PCDH15: variants seen among roughly 807,000 people sequenced by gnomAD.
The protein encoded by PCDH15 is protocadherin-15.
In PCDH15, 129 loss-of-function variants were observed where a neutral mutation model predicts 178.5. The observed-to-expected ratio is 0.72, with a 90% CI of 0.63 to 0.84. The LOEUF is 0.84. PCDH15 is among the 40% of genes least tolerant of loss of function. The pLI, the probability that PCDH15 is intolerant of heterozygous loss-of-function variation, is 0.00. For missense variants in PCDH15, 2,230 were observed against 2,099.9 expected, an observed-to-expected ratio of 1.06 and a Z score of -1.21; for synonymous variants, 800 against 732.0, an observed-to-expected ratio of 1.09 and a Z score of -1.50.
intron 3 of PCDH15, among the ~76,000 whole-genome samples, chr10:54,830,787 A>G (rs1953212205): frequency 6.6e-6 from 1 of 152,008 alleles, no homozygotes; most frequent in Admixed American, 6.6e-5. Flanking sequence ...AAAAAGAAGA[A>G]AAAATGTTAA....
intron 3 of PCDH15, among the ~76,000 whole-genome samples, chr10:54,435,055 T>TCTAA (rs4007219): frequency 0.48 from 72,061 of 151,612 alleles, 17,871 homozygotes; most frequent in Middle Eastern, 0.52. Flanking sequence ...TTTAAACTTA[T>TCTAA]CTTACTTCCT....
intron 1 of PCDH15, among the ~76,000 whole-genome samples, chr10:54,791,948 C>T (rs1951456153): frequency 1.3e-5 from 2 of 151,866 alleles, no homozygotes; most frequent in Admixed American, 1.3e-4. Context: ...TAAGAAGCCC[C>T]TCTTGTTACA....
chr10:53,995,515 AG>A (rs2091787865), intron 21 of PCDH15, 133 bp downstream of exon 21: 5 of 1,515,110 alleles, frequency 3.3e-6, no homozygotes, highest in Non-Finnish European at 4.5e-6. Flanking sequence ...AATAAGTAAA[AG>A]AACATAAAAT....
intron 2 of PCDH15, among the ~76,000 whole-genome samples, chr10:55,346,971 T>C (rs866422864): frequency 2.0e-5 from 3 of 151,846 alleles, no homozygotes; most frequent in Non-Finnish European, 2.9e-5. Context: ...TCCCAGCACT[T>C]TGGGGGGCTG....
intron 2 of PCDH15, among the ~76,000 whole-genome samples, chr10:54,644,357 A>G (rs377707945): frequency 1.3e-4 from 19 of 150,722 alleles, no homozygotes; most frequent in East Asian, 1.0e-3. Context: ...TTCAAAGCTT[A>G]CTGAATATGC....
At chr10:54,232,190 T>C (rs947660967) in intron 9 of PCDH15, among the ~76,000 whole-genome samples, 1 of 152,120 alleles carries the variant, frequency 6.6e-6, no homozygotes, top group African/African-American at 2.4e-5. Flanking sequence ...ATTTCCCCCT[T>C]GCTGTTCTGG....
At chr10:54,166,052 C>T (rs1458326810) in intron 13 of PCDH15, among the ~76,000 whole-genome samples, 1 of 152,152 alleles carries the variant, frequency 6.6e-6, no homozygotes, top group African/African-American at 2.4e-5. Flanking sequence ...AAAAGAAAAG[C>T]AAATCTTTGA....
At chr10:54,083,359 A>C (rs2094465082) in intron 16 of PCDH15, among the ~76,000 whole-genome samples, 1 of 152,218 alleles carries the variant, frequency 6.6e-6, no homozygotes, top group African/African-American at 2.4e-5. Context: ...TAATACCGAA[A>C]GGTAGAAAAA....
At chr10:54,085,293 T>C (rs11004055) in intron 16 of PCDH15, among the ~76,000 whole-genome samples, 4,114 of 152,188 alleles carry the variant, frequency 0.027, 182 homozygotes, top group African/African-American at 0.09. Flanking sequence ...AAAAAAAATT[T>C]TAATAGAATT....
At chr10:54,348,970 G>T (rs984414548) in intron 5 of PCDH15, among the ~76,000 whole-genome samples, 1 of 151,910 alleles carries the variant, frequency 6.6e-6, no homozygotes, top group Non-Finnish European at 1.5e-5. Flanking sequence ...TGTCTTCCAG[G>T]TTTATCCATA....
intron 13 of PCDH15, among the ~76,000 whole-genome samples, chr10:54,182,261 C>T (rs4477358): frequency 0.43 from 65,932 of 151,842 alleles, 15,920 homozygotes; most frequent in African/African-American, 0.63. Flanking sequence ...GCCGCCATGC[C>T]CAGCTGCATT....
chr10:54,164,651 G>C (rs573346175), intron 13 of PCDH15, among the ~76,000 whole-genome samples: 13 of 152,150 alleles, frequency 8.5e-5, no homozygotes, highest in Non-Finnish European at 1.8e-4. Flanking sequence ...ACTTCTTAGT[G>C]TATGAAATAT....
intron 14 of PCDH15, among the ~76,000 whole-genome samples, chr10:54,139,468 T>A (rs868508618): frequency 2.6e-5 from 4 of 152,162 alleles, no homozygotes; most frequent in African/African-American, 7.2e-5. Flanking sequence ...ATTTTTAAAT[T>A]GTTTTTGGTG....
chr10:55,168,692 CACTT>C (rs926622359), intron 1 of PCDH15, among the ~76,000 whole-genome samples: 2 of 152,122 alleles, frequency 1.3e-5, no homozygotes, highest in Non-Finnish European at 2.9e-5. Flanking sequence ...TAAAAATTAA[CACTT>C]AAAGCATTTA....
intron 18 of PCDH15, among the ~76,000 whole-genome samples, chr10:54,046,109 C>G (rs762307970): frequency 2.0e-5 from 3 of 152,106 alleles, no homozygotes; most frequent in Non-Finnish European, 4.4e-5. Flanking sequence ...ATGCCATTAG[C>G]AAAATGCTAA....
rs2076806940 is a variant in PCDH15, at chr10:53,828,158, A to G, written c.4211+407T>C. Among the ~76,000 whole-genome samples, 8 of 139,048 alleles carry G rather than the reference A, an allele frequency of 5.8e-5. No homozygotes were observed. In the South Asian group the frequency reaches 1.9e-3, roughly 33 times the overall value. 91.2% of individuals were successfully genotyped at this position (139,048 alleles called of 152,430 possible). ...GAGGCGGAGGTTGCAGTGAGCCCAG[A>G]TCACGCCATTGCACTCCATCCTGGC... On this transcript the variant is annotated intron_variant, in intron 31 of 37. Coordinates refer to ENST00000644397, the MANE Select transcript of PCDH15 (RefSeq NM_001384140.1).
chr10:54,850,684 T>C (rs1016631945), intron 3 of PCDH15, among the ~76,000 whole-genome samples: 1 of 152,070 alleles, frequency 6.6e-6, no homozygotes, highest in African/African-American at 2.4e-5. Flanking sequence ...AGAGAAAGGT[T>C]CCAACACAGC....
intron 2 of PCDH15, among the ~76,000 whole-genome samples, chr10:55,077,042 C>T (rs1450675592): frequency 6.6e-6 from 1 of 151,752 alleles, no homozygotes; most frequent in Admixed American, 6.6e-5. Flanking sequence ...GCTGGGATTA[C>T]AGGCATGAAC....
chr10:54,551,402 G>T (rs1460724483), intron 2 of PCDH15, among the ~76,000 whole-genome samples: 4 of 151,912 alleles, frequency 2.6e-5, no homozygotes, highest in African/African-American at 9.7e-5. Flanking sequence ...TTAATATATG[G>T]ATGCTTTGGG....
Sources: allele counts gnomAD v4.1 joint callset (sites outside exome capture counted in the v4.1 genomes callset), GRCh38; gene constraint gnomAD v4.1.1; transcripts MANE v1.5; gene names NCBI Gene and HGNC (gene_info 2026-07-23, HGNC 2026-07-21).